The following CADM2 variants were observed in gnomAD, a reference collection of about 807,000 sequenced individuals.
The protein encoded by CADM2 is immunoglobulin superfamily member 4D.
Under a neutral mutation model 49.8 loss-of-function variants are expected in CADM2, and 12 were observed. The ratio of observed to expected loss-of-function variants is 0.24; its 90% CI spans 0.15 to 0.39. The LOEUF (loss-of-function observed/expected upper bound fraction) is 0.39. Among genes scored for constraint, CADM2 ranks in the 10% least tolerant of loss-of-function variants. CADM2 has a pLI of 1.00. For missense variants in CADM2, 378 were observed against 492.3 expected (o/e 0.77, Z 2.20); for synonymous variants, 214 against 175.4 (o/e 1.22, Z -1.74).
At chr3:85,395,845 A>T (rs930129737) in intron 1 of CADM2, among the ~76,000 whole-genome samples, 3 of 151,434 alleles carry the variant, frequency 2.0e-5, no homozygotes, top group Non-Finnish European at 4.4e-5. Context: ...GTTGTATGCA[A>T]CTTTAAAAAT....
intron 1 of CADM2, among the ~76,000 whole-genome samples, chr3:85,425,611 T>C (rs1019344603): frequency 2.6e-5 from 4 of 152,202 alleles, no homozygotes; most frequent in Admixed American, 1.3e-4. Flanking sequence ...CACCTATCTA[T>C]CTATAATTTT....
chr3:86,007,192 T>C (rs555031006), intron 8 of CADM2, among the ~76,000 whole-genome samples: 11 of 143,958 alleles, frequency 7.6e-5, no homozygotes, highest in Admixed American at 1.5e-4. Flanking sequence ...AACAGGATGG[T>C]CTTTACTATA....
intron 7 of CADM2, among the ~76,000 whole-genome samples, chr3:85,956,838 T>A (rs1009933008): frequency 1.3e-5 from 2 of 151,540 alleles, no homozygotes; most frequent in African/African-American, 4.8e-5. Flanking sequence ...TAGGAAAAAA[T>A]CATGACAGTT....
chr3:84,983,439 C>A (rs1330291440), intron 1 of CADM2, among the ~76,000 whole-genome samples: 3 of 151,104 alleles, frequency 2.0e-5, no homozygotes, highest in Non-Finnish European at 4.4e-5. Context: ...GCCTAGAATT[C>A]CAAAGCCAAT....
chr3:86,051,751 G>A (rs79218492), intron 8 of CADM2, among the ~76,000 whole-genome samples: 1,753 of 152,174 alleles, frequency 0.012, 31 homozygotes, highest in East Asian at 0.062. Flanking sequence ...AGAGAGAGCC[G>A]AGGGAGGTGC....
chr3:85,567,176 A>C (rs1300522978), intron 1 of CADM2, among the ~76,000 whole-genome samples: 1 of 152,130 alleles, frequency 6.6e-6, no homozygotes, highest in Non-Finnish European at 1.5e-5. Context: ...AGCACATAAA[A>C]TCGCGTCTGG....
intron 1 of CADM2, among the ~76,000 whole-genome samples, chr3:85,189,861 T>C (rs1015742858): frequency 1.6e-4 from 23 of 146,090 alleles, no homozygotes; most frequent in Admixed American, 4.7e-4. Flanking sequence ...AGGACCTTGA[T>C]GGCTGTTGTC....
chr3:85,599,483 C>T (rs181154516), intron 1 of CADM2, among the ~76,000 whole-genome samples: 9 of 152,008 alleles, frequency 5.9e-5, no homozygotes, highest in African/African-American at 2.2e-4. Context: ...AAAACTGTTT[C>T]TGCATTCTTT....
intron 1 of CADM2, among the ~76,000 whole-genome samples, chr3:85,289,500 A>G (rs1473829631): frequency 2.6e-5 from 4 of 152,316 alleles, no homozygotes; most frequent in Admixed American, 1.3e-4. Flanking sequence ...TAATTTGTCA[A>G]TGTGGACAGC....
chr3:85,991,209 C>T (rs1178513216), intron 8 of CADM2, among the ~76,000 whole-genome samples: 1 of 152,104 alleles, frequency 6.6e-6, no homozygotes, highest in Non-Finnish European at 1.5e-5. Context: ...TATGGCCATC[C>T]TTTATTCAAC....
At chr3:85,787,728 T>A (rs2071079607) in intron 2 of CADM2, among the ~76,000 whole-genome samples, 2 of 152,172 alleles carry the variant, frequency 1.3e-5, no homozygotes, top group Admixed American at 1.3e-4. Context: ...TCTGATAATG[T>A]AAATGAGTCA....
intron 1 of CADM2, among the ~76,000 whole-genome samples, chr3:85,346,266 T>A (rs191791997): frequency 1.3e-5 from 2 of 152,190 alleles, no homozygotes; most frequent in Non-Finnish European, 2.9e-5. Context: ...TTTCACACCA[T>A]TGTTTGAATT....
Position 85,812,792 on chromosome 3 carries a change from A to G in CADM2, c.238+10596A>G, listed in dbSNP as rs533190911. Among the ~76,000 whole-genome samples the G allele has an allele frequency of 3.9e-5, 6 of 152,214 alleles. 1 individual carries two copies. Among genetic ancestry groups the G allele is most frequent in the African/African-American group, 1.2e-4 (5 of 41,532 alleles). ...TCAACTACCACTTATGAGTGAGAAC[A>G]TGTGGTGTTTGGTTTTCCGTTCTTG... On this transcript the variant is annotated intron_variant, in intron 3 of 9. Coordinates refer to ENST00000383699, the MANE Select transcript of CADM2 (RefSeq NM_001167675.2).
intron 3 of CADM2, among the ~76,000 whole-genome samples, chr3:85,840,229 A>G (rs188638650): frequency 1.1e-3 from 171 of 151,994 alleles, no homozygotes; most frequent in South Asian, 5.4e-3. Flanking sequence ...GTACATCAAA[A>G]TGCTTTCATT....
At chr3:85,445,387 G>A (rs1233683707) in intron 1 of CADM2, among the ~76,000 whole-genome samples, 2 of 152,166 alleles carry the variant, frequency 1.3e-5, no homozygotes, top group Admixed American at 6.5e-5. Context: ...ATCCAACAGA[G>A]TTCTCAAAAT....
intron 1 of CADM2, among the ~76,000 whole-genome samples, chr3:85,000,503 A>AT (rs2033410489): frequency 6.6e-6 from 1 of 152,136 alleles, no homozygotes; most frequent in Non-Finnish European, 1.5e-5. Context: ...TACTTTTCTA[A>AT]GTAAAATATC....
intron 1 of CADM2, among the ~76,000 whole-genome samples, chr3:85,705,756 A>G (rs1250123478): frequency 1.3e-5 from 2 of 152,226 alleles, no homozygotes; most frequent in Non-Finnish European, 2.9e-5. Flanking sequence ...GTGACACACA[A>G]AACTTCACAT....
chr3:85,833,141 C>T (rs1316722118), intron 3 of CADM2, among the ~76,000 whole-genome samples: 1 of 151,826 alleles, frequency 6.6e-6, no homozygotes, highest in African/African-American at 2.4e-5. Flanking sequence ...TATACTAAAC[C>T]ATCACTGCAT....
intron 1 of CADM2, among the ~76,000 whole-genome samples, chr3:85,383,205 C>T (rs138221399): frequency 6.6e-6 from 1 of 152,204 alleles, no homozygotes; most frequent in African/African-American, 2.4e-5. Flanking sequence ...TTTGCTCTGA[C>T]CATGAGGCAT....
Sources: gnomAD v4.1 joint callset for allele counts (sites outside exome capture counted in the v4.1 genomes callset) on GRCh38, gnomAD v4.1.1 for gene constraint, MANE v1.5 for transcripts, NCBI Gene and HGNC (gene_info 2026-07-23, HGNC 2026-07-21) for gene names.